The following PER3 variants were observed in gnomAD, a reference collection of about 807,000 sequenced individuals.
PER3 encodes period circadian protein homolog 3.
In PER3, 107 loss-of-function variants were observed where a neutral mutation model predicts 127.2. The observed-to-expected ratio is 0.84, with a 90% CI of 0.72 to 0.99. The LOEUF (loss-of-function observed/expected upper bound fraction) is 0.99. Ranked by LOEUF, PER3 falls within the 50% of genes least tolerant of loss-of-function variation. PER3 has a pLI of 0.00. For synonymous variants in PER3, 618 were observed against 585.8 expected (o/e 1.05, Z -0.79); for missense variants, 1,560 against 1,525.8 (o/e 1.02, Z -0.37).
intron 5 of PER3, among the ~76,000 whole-genome samples, chr1:7,793,141 C>A (rs760430967): frequency 6.6e-6 from 1 of 152,160 alleles, no homozygotes; most frequent in African/African-American, 2.4e-5. Context: ...TTTTGAACAT[C>A]TCACAGTTTT....
Position 7,785,577 on chromosome 1 carries a change from A to C in PER3, c.265A>C (p.Ser89Arg). The C allele has an allele frequency of 6.2e-7, 1 of 1,613,134 alleles. No homozygotes were observed. The highest frequency in any genetic ancestry group is 8.5e-7 in the Non-Finnish European group (1 of 1,179,604). Reference sequence around the variant, plus strand: ...CAACTATGCTCTCCGCTGTGTCCACAGCGTTCAAGGTAAACAAGCCGGAGA... The same window carrying C: ...CAACTATGCTCTCCGCTGTGTCCACCGCGTTCAAGGTAAACAAGCCGGAGA... ...ALNYALRCVHSVQANSEFFQI... is the reference protein window; with the variant it reads ...ALNYALRCVHRVQANSEFFQI... Residue 89 changes from serine (S) to arginine (R), a missense_variant, in exon 3 of 22, where the codon AGC (serine) becomes CGC (arginine). By Grantham distance (110) the Ser-to-Arg change is moderately radical. This residue lies in a region of PER3 where 1,332 missense variants were observed against 1,223.6 expected (regional missense o/e 1.09). Coordinates refer to ENST00000377532, the MANE Select transcript of PER3 (RefSeq NM_001377275.1).
chr1:7,799,779 C>G (rs2097162224), intron 7 of PER3, among the ~76,000 whole-genome samples: 1 of 151,742 alleles, frequency 6.6e-6, no homozygotes, highest in African/African-American at 2.4e-5. Flanking sequence ...TGTTGTTTTG[C>G]TTTGCTTTGA....
At chr1:7,810,955 C>A (rs1000173403) in intron 13 of PER3, among the ~76,000 whole-genome samples, 2 of 152,096 alleles carry the variant, frequency 1.3e-5, no homozygotes, top group African/African-American at 4.8e-5. Flanking sequence ...AAATGAAAAT[C>A]CCTTTCTGTC....
chr1:7,809,953 C>T lies in PER3; in HGVS notation c.1303C>T (p.Gln435Ter). 6.2e-7 allele frequency: 1 copy of T among 1,614,060 alleles called. No individual in the cohort carries two copies. Among genetic ancestry groups the T allele is most frequent in the Non-Finnish European group, 8.5e-7 (1 of 1,179,912 alleles). ...GSLGSSGSQE[Q>*]LVSIASSSEA... is the part of the protein sequence containing the mutation. ...CCTGGGGAGCAGCGGGTCGCAGGAG[C>T]AGCTTGTCAGCATCGCCTCCTCCAG... Residue 435 changes from glutamine to a stop codon, truncating the protein, a stop_gained, in exon 12 of 22, where the codon CAG becomes TAG. Transcript: ENST00000377532. LOFTEE classifies it high-confidence loss of function.
rs1198362637 is a variant in PER3 at position 7,815,745 on chromosome 1, G to C, written c.1523-3540G>C. Among the ~76,000 whole-genome samples the C allele has an allele frequency of 2.6e-5, 4 of 152,068 alleles. No individual in the cohort carries two copies. In the East Asian group the frequency reaches 7.7e-4, roughly 29 times the overall value. On this transcript the variant is annotated intron_variant, in intron 13 of 21. Transcript: ENST00000377532. ...TCACGCCTGTAATCCCAGCACTTTA[G>C]GGGGCCGAGGTGGGCAGATCACAAG...
chr1:7,827,471 C>G lies in PER3; in HGVS notation c.2542C>G (p.Pro848Ala). The G allele has an allele frequency of 6.2e-7, 1 of 1,614,258 alleles. No individual in the cohort carries two copies. Among genetic ancestry groups the G allele is most frequent in the Non-Finnish European group, 8.5e-7 (1 of 1,180,040 alleles). The change falls in exon 18 of 22, where the codon CCT becomes GCT. Residue 848 changes from proline to alanine, a missense_variant. By Grantham distance (27) the Pro-to-Ala change is conservative. This residue lies in a region of PER3 where 1,332 missense variants were observed against 1,223.6 expected (regional missense o/e 1.09). Transcript: ENST00000377532. ...SEGLQPYPAFPFPYLDTFMTV... is the reference protein window; with the variant it reads ...SEGLQPYPAFAFPYLDTFMTV... ...GGGCTTGCAGCCTTACCCAGCTTTCCCTTTTCCTTACTTGGATACTTTTAT... is the reference window on the plus strand; with the variant it reads ...GGGCTTGCAGCCTTACCCAGCTTTCGCTTTTCCTTACTTGGATACTTTTAT...
chr1:7,825,163 A>G (rs2097295610), intron 16 of PER3, among the ~76,000 whole-genome samples: 2 of 150,882 alleles, frequency 1.3e-5, no homozygotes, highest in Admixed American at 1.3e-4. Context: ...AGTGGGCCAA[A>G]CCTACCCAAA....
At chr1:7,800,682 C>CCAG (rs932121454) in intron 7 of PER3, among the ~76,000 whole-genome samples, 16 of 151,996 alleles carry the variant, frequency 1.1e-4, no homozygotes, top group African/African-American at 3.4e-4. Context: ...TTATGATGAG[C>CCAG]CAGGTGTGGT....
chr1:7,792,132 T>C (rs1391454224), intron 5 of PER3, among the ~76,000 whole-genome samples: 1 of 152,310 alleles, frequency 6.6e-6, no homozygotes, highest in Admixed American at 6.5e-5. Context: ...GACTGGGTAA[T>C]TTCTAAAGGA....
At chr1:7,796,344 G>T (rs1211941133) in intron 6 of PER3, among the ~76,000 whole-genome samples, 1 of 59,212 alleles carries the variant, frequency 1.7e-5, no homozygotes, top group African/African-American at 4.4e-5. Context: ...TTTGAGACAG[G>T]ATCTCACTGT....
intron 16 of PER3, among the ~76,000 whole-genome samples, 173 bp downstream of exon 16, chr1:7,820,813 T>C (rs2097273258): frequency 6.6e-6 from 1 of 152,238 alleles, no homozygotes; most frequent in Admixed American, 6.5e-5. Context: ...TTTATGTTGG[T>C]TACATATTTT....
At chr1:7,828,034 T>C (rs958092146) in intron 18 of PER3, among the ~76,000 whole-genome samples, 6 of 152,244 alleles carry the variant, frequency 3.9e-5, no homozygotes, top group Non-Finnish European at 7.3e-5. Flanking sequence ...TAGTTTCTTA[T>C]ATACTTTGTG....
chr1:7,820,373 T>C, intron 15 of PER3, 94 bp from the exon 16 acceptor site: 1 of 1,424,680 alleles, frequency 7.0e-7, no homozygotes, highest in Non-Finnish European at 9.5e-7. Context: ...TAAGGTTTAA[T>C]TTCTCAGTTA....
intron 13 of PER3, among the ~76,000 whole-genome samples, chr1:7,818,929 G>C (rs2097263583): frequency 6.6e-6 from 1 of 152,228 alleles, no homozygotes; most frequent in Non-Finnish European, 1.5e-5. Context: ...GATTGCCAGG[G>C]TTGATCAGTT....
chr1:7,820,992 A>T (rs960960233), intron 16 of PER3, among the ~76,000 whole-genome samples: 1 of 152,250 alleles, frequency 6.6e-6, no homozygotes, highest in Non-Finnish European at 1.5e-5. Flanking sequence ...CTTTCACAGA[A>T]TGTGTTCCTT....
At chr1:7,804,613 C>G (rs1047402149) in intron 10 of PER3, among the ~76,000 whole-genome samples, 1 of 151,992 alleles carries the variant, frequency 6.6e-6, no homozygotes, top group Non-Finnish European at 1.5e-5. Context: ...GTTGCCCAGG[C>G]TGGTCTCAAA....
intron 7 of PER3, among the ~76,000 whole-genome samples, chr1:7,799,530 G>A (rs1389680419): frequency 1.3e-5 from 2 of 150,828 alleles, no homozygotes; most frequent in African/African-American, 4.9e-5. Context: ...CTTGAACCGG[G>A]ACCCGGGAGG....
chr1:7,819,190 T>C, intron 13 of PER3, 95 bp from the exon 14 acceptor site: 1 of 1,052,684 alleles, frequency 9.5e-7, no homozygotes, highest in Non-Finnish European at 1.4e-6. Flanking sequence ...GATATATACA[T>C]GATAAAGTGC....
At chr1:7,820,040 G>T in intron 14 of PER3, 75 bp from the exon 15 acceptor site, 1 of 1,482,440 alleles carries the variant, frequency 6.7e-7, no homozygotes, top group Admixed American at 1.9e-5. Context: ...TAAGTGGCAT[G>T]AGAAAAGCAA....
Sources: allele counts gnomAD v4.1 joint callset (sites outside exome capture counted in the v4.1 genomes callset), GRCh38; gene constraint gnomAD v4.1.1; regional missense constraint gnomAD v4.1.1; transcripts MANE v1.5; gene names NCBI Gene and HGNC (gene_info 2026-07-23, HGNC 2026-07-21).